MTR: variants seen among roughly 807,000 people sequenced by gnomAD.
MTR encodes the protein methionine synthase.
A neutral mutation model predicts 154.8 loss-of-function variants in MTR; 84 were observed. The observed-to-expected ratio is 0.54, with a 90% CI of 0.45 to 0.65. MTR has a LOEUF of 0.65. Among genes scored for constraint, MTR ranks in the 30% least tolerant of loss-of-function variants. MTR has a pLI of 0.00. For synonymous variants in MTR, 554 were observed against 553.9 expected (o/e 1.00, Z 0.00); for missense variants, 1,275 against 1,570.2 (o/e 0.81, Z 3.18).
intron 15 of MTR, among the ~76,000 whole-genome samples, chr1:236,849,665 G>A (rs904486826): frequency 3.9e-5 from 6 of 152,140 alleles, no homozygotes; most frequent in Non-Finnish European, 8.8e-5. Context: ...TGGAGATGGA[G>A]GCTGAGATTC....
At chr1:236,875,706 T>C (rs1665393814) in intron 24 of MTR, among the ~76,000 whole-genome samples, 1 of 152,186 alleles carries the variant, frequency 6.6e-6, no homozygotes, top group Non-Finnish European at 1.5e-5. Context: ...TCCATAGGTA[T>C]GCCACAATAA....
intron 15 of MTR, among the ~76,000 whole-genome samples, chr1:236,849,630 G>A (rs1172832620): frequency 6.6e-6 from 1 of 152,206 alleles, no homozygotes; most frequent in African/African-American, 2.4e-5. Context: ...GAGTAGAGGA[G>A]AGGGCAAATG....
At chr1:236,824,290 G>T (rs1662156221) in intron 9 of MTR, 71 bp downstream of exon 9, 4 of 1,247,086 alleles carry the variant, frequency 3.2e-6, no homozygotes, top group East Asian at 2.3e-5. Context: ...TGAGGTAAGA[G>T]ATCTTGAATA....
intron 8 of MTR, among the ~76,000 whole-genome samples, chr1:236,821,602 C>A (rs1350769018): frequency 6.6e-6 from 1 of 152,086 alleles, no homozygotes. Context: ...CTTTCATGGA[C>A]CCTGCCTTTG....
At chr1:236,824,349 A>C in intron 9 of MTR, 130 bp downstream of exon 9, 1 of 833,166 alleles carries the variant, frequency 1.2e-6, no homozygotes, top group South Asian at 1.4e-5. Context: ...TAATAAATGA[A>C]GAGTGTCTGG....
intron 27 of MTR, among the ~76,000 whole-genome samples, chr1:236,886,890 A>C (rs1558339966): frequency 6.6e-6 from 1 of 152,204 alleles, no homozygotes; most frequent in Non-Finnish European, 1.5e-5. Context: ...CACATCTTTA[A>C]AACACTGCAG....
At chr1:236,820,073 C>T (rs371456480) in intron 8 of MTR, 16 of 777,532 alleles carry the variant, frequency 2.1e-5, no homozygotes, top group South Asian at 4.0e-5. Context: ...CCTACCATTG[C>T]GCTGTGTAAC....
In MTR at chr1:236,844,469, T is replaced by C. The variant is rs879377942; in HGVS notation, c.1515+5870T>C. Reference sequence around the variant, plus strand: ...CAGAAAGGGCGTGTGTGTGTGTGTGTGTGTGTGTGTGTGTGTGTGTGTGTG... The same window carrying C: ...CAGAAAGGGCGTGTGTGTGTGTGTGCGTGTGTGTGTGTGTGTGTGTGTGTG... On this transcript the variant is annotated intron_variant, in intron 15 of 32. Coordinates refer to ENST00000366577, the MANE Select transcript of MTR (RefSeq NM_000254.3). Among the ~76,000 whole-genome samples, 285 of 61,072 alleles carry C rather than the reference T, an allele frequency of 4.7e-3. 5 individuals are homozygous for C. In the Middle Eastern group the frequency reaches 0.1, roughly 22 times the overall value. 40.1% of individuals were successfully genotyped at this position (61,072 alleles called of 152,430 possible).
In MTR at chr1:236,901,996, T is replaced by C. The variant is rs1451146067; in HGVS notation, c.*4352T>C. On this transcript the variant is annotated 3_prime_UTR_variant, in exon 33 of 33. Coordinates refer to ENST00000366577, the MANE Select transcript of MTR (RefSeq NM_000254.3). ...CCCTGGTTAAGGTTCTCATCATTTC[T>C]CCTCTGGATTCATCTGCAACACAGG... 6.6e-6 allele frequency: 1 copy of C among 152,208 alleles called. No homozygotes were observed. The highest frequency in any genetic ancestry group is 2.4e-5 in the African/African-American group (1 of 41,422). The allele number at this position is 152,208 out of a possible 1,614,324, so 9.4% of individuals were successfully genotyped here. A position where few individuals can be genotyped will look rare whatever the true frequency, so the allele number is the denominator to read the frequency against.
Position 236,899,250 on chromosome 1 carries a change from G to C in MTR, c.*1606G>C, listed in dbSNP as rs1167052348. 1 of 152,190 alleles carries C rather than the reference G, an allele frequency of 6.6e-6. No homozygotes were observed. The highest frequency in any genetic ancestry group is 1.5e-5 in the Non-Finnish European group (1 of 68,028). The allele number at this position is 152,190 out of a possible 1,614,324, so 9.4% of individuals were successfully genotyped here. On this transcript the variant is annotated 3_prime_UTR_variant, in exon 33 of 33. Transcript: ENST00000366577. ...ATTACCAAATGCTTCTAAATATGAA[G>C]GAGAGGTTGGGGACACGCACCCTAT...
At chr1:236,800,315 T>C in intron 1 of MTR, 1 of 985,460 alleles carries the variant, frequency 1.0e-6, no homozygotes, top group Non-Finnish European at 1.2e-6. Context: ...TGAATACCTT[T>C]TAAATATGAA....
At position 236,897,570 on chromosome 1, in the gene MTR, G is replaced by A; in HGVS notation, c.3724G>A (p.Ala1242Thr). The A allele has an allele frequency of 6.2e-7, 1 of 1,613,744 alleles. No homozygotes were observed. The highest frequency in any genetic ancestry group is 8.5e-7 in the Non-Finnish European group (1 of 1,179,872). Residue 1242 changes from alanine (A) to threonine (T), a missense_variant, in exon 33 of 33, where the codon GCA becomes ACA. Ala to Thr is a moderately conservative substitution (Grantham distance 58). Transcript: ENST00000366577. ...TCATCTTTTGCAGGTTGAGGATTAT[G>A]CATTGAGGAAGAACATATCTGTGGC... is the stretch of plus-strand genomic sequence containing the variant. ...KISKDQVEDYALRKNISVAEV... is the reference protein window; with the variant it reads ...KISKDQVEDYTLRKNISVAEV...
chr1:236,877,402 T>G (rs1021526654), intron 24 of MTR, among the ~76,000 whole-genome samples: 1 of 152,146 alleles, frequency 6.6e-6, no homozygotes, highest in Non-Finnish European at 1.5e-5. Context: ...CCTCAGCAGG[T>G]TCCTCCACCC....
chr1:236,861,097 C>CTTTTTTTTTTTT lies in MTR; in HGVS notation c.2044-23_2044-12dup, dbSNP rs397974349. On this transcript the variant is annotated intron_variant, in intron 19 of 32. Coordinates refer to ENST00000366577, the MANE Select transcript of MTR (RefSeq NM_000254.3). ...ATTTTTTTTTTCTTTCTTTCTTTTTCTTTTTTTTTTTTTTTTGTCTTTTTT... is the reference window on the plus strand; with the variant it reads ...ATTTTTTTTTTCTTTCTTTCTTTTTCTTTTTTTTTTTTTTTTTTTTTTTTTTTTGTCTTTTTT... The CTTTTTTTTTTTT allele has an allele frequency of 9.2e-4, 1,065 of 1,158,744 alleles. 7 individuals are homozygous for CTTTTTTTTTTTT. The highest frequency in any genetic ancestry group is 4.1e-3 in the South Asian group (250 of 60,478). 71.8% of individuals were successfully genotyped at this position (1,158,744 alleles called of 1,614,324 possible).
Position 236,838,591 on chromosome 1 carries a change from G to A in MTR, c.1507G>A (p.Glu503Lys), listed in dbSNP as rs1177021183. The A allele has an allele frequency of 1.9e-6, 3 of 1,613,956 alleles. No homozygotes were observed. In the African/African-American group the frequency reaches 4.0e-5, roughly 22 times the overall value. Residue 503 changes from glutamate (E) to lysine (K), a missense_variant, in exon 15 of 33, where the codon GAA (glutamate) becomes AAA (lysine). Transcript: ENST00000366577. ...AAMVVMAFDE[E>K]GQATETDTKI... Reference sequence around the variant, plus strand: ...TATGGTGGTCATGGCTTTTGATGAAGAAGGACAGGTGAGTGGTTTCTTTTG... The same window carrying A: ...TATGGTGGTCATGGCTTTTGATGAAAAAGGACAGGTGAGTGGTTTCTTTTG...
At chr1:236,797,575 A>G (rs1164594083) in intron 1 of MTR, among the ~76,000 whole-genome samples, 1 of 152,202 alleles carries the variant, frequency 6.6e-6, no homozygotes, top group Non-Finnish European at 1.5e-5. Context: ...AATCCAGTGA[A>G]TTGGTATCAG....
At chr1:236,805,378 T>C (rs147563871) in intron 2 of MTR, among the ~76,000 whole-genome samples, 1 of 152,222 alleles carries the variant, frequency 6.6e-6, no homozygotes, top group Non-Finnish European at 1.5e-5. Flanking sequence ...GATGGTATAC[T>C]TCTCGGTGGG....
chr1:236,808,037 T>G (rs968959917), intron 3 of MTR, among the ~76,000 whole-genome samples: 1 of 152,186 alleles, frequency 6.6e-6, no homozygotes, highest in Admixed American at 6.5e-5. Flanking sequence ...TCAAGACACA[T>G]AGGATCTTAG....
chr1:236,838,887 A>C (rs1162821604), intron 15 of MTR, among the ~76,000 whole-genome samples: 1 of 152,208 alleles, frequency 6.6e-6, no homozygotes, highest in African/African-American at 2.4e-5. Context: ...CTACACACAT[A>C]GGCTAGATGG....
Sources: allele counts gnomAD v4.1 joint callset (sites outside exome capture counted in the v4.1 genomes callset), GRCh38; gene constraint gnomAD v4.1.1; transcripts MANE v1.5; gene names NCBI Gene and HGNC (gene_info 2026-07-23, HGNC 2026-07-21).